RET: variants seen among roughly 807,000 people sequenced by gnomAD.
RET encodes ret proto-oncogene, also known as proto-oncogene tyrosine-protein kinase receptor Ret.
A neutral mutation model predicts 118.3 loss-of-function variants in RET; 19 were observed. The observed-to-expected ratio is 0.16, with a 90% CI of 0.11 to 0.24. The LOEUF is 0.24. Ranked by LOEUF, RET falls within the 10% of genes least tolerant of loss-of-function variation. RET has a pLI of 1.00. For missense variants in RET, 1,219 were observed against 1,502.1 expected (o/e 0.81, Z 3.12); for synonymous variants, 597 against 644.1 (o/e 0.93, Z 1.11).
chr10:43,107,502 G>A (rs1357582130), intron 5 of RET, among the ~76,000 whole-genome samples: 2 of 151,014 alleles, frequency 1.3e-5, no homozygotes, highest in Non-Finnish European at 2.9e-5. Context: ...CTGTCTGGAG[G>A]GCTCTAGTGT....
Position 43,113,747 on chromosome 10 carries a change from C to T in RET, c.1879+72C>T, listed in dbSNP as rs1837999350. 5.0e-6 allele frequency: 8 copies of T among 1,588,174 alleles called. No individual in the cohort carries two copies. The South Asian group carries it at 9.0e-5, about 18-fold the overall frequency. The stretch of plus-strand genomic sequence containing the variant: ...AGGTCTCAACAGCACATCTGAGGTC[C>T]CAACAAGGGAGGAAATTGCTGGGAG... On this transcript the variant is annotated intron_variant, in intron 10 of 19. Coordinates refer to ENST00000355710, the MANE Select transcript of RET (RefSeq NM_020975.6).
rs863224778 is a variant in RET, at chr10:43,106,485, A to G, written c.977A>G (p.Gln326Arg). ...CTGCTCCCCGGGGACACCTGGGCCC[A>G]GCAGACCTTCCGGGTGGAACACTGG... is the stretch of plus-strand genomic sequence containing the variant. ...STLLPGDTWA[Q>R]QTFRVEHWPN... The change falls in exon 5 of 20, where the codon CAG becomes CGG. Residue 326 changes from glutamine to arginine, a missense_variant. Gln to Arg is a conservative substitution (Grantham distance 43, BLOSUM62 1). This residue lies in a region of RET where 850 missense variants were observed against 969.6 expected (regional missense o/e 0.88). Coordinates refer to ENST00000355710, the MANE Select transcript of RET (RefSeq NM_020975.6). The surrounding 1 kb of genome is among the most constrained non-coding windows in gnomAD (Gnocchi z 5.1). The G allele has an allele frequency of 1.7e-5, 28 of 1,613,614 alleles. No homozygotes were observed. The highest frequency in any genetic ancestry group is 2.2e-5 in the Non-Finnish European group (26 of 1,179,848).
intron 6 of RET, 44 bp from the exon 7 acceptor site, chr10:43,111,162 GC>G (rs2132764334): frequency 6.2e-7 from 1 of 1,610,280 alleles, no homozygotes; most frequent in Non-Finnish European, 8.5e-7. Context: ...GCCATTACAG[GC>G]CGGTCCAGCT....
rs1405981193 is a variant in RET at position 43,106,973 on chromosome 10, A to G, written c.1063+402A>G. Among the ~76,000 whole-genome samples, 3 of 152,202 alleles carry G rather than the reference A, an allele frequency of 2.0e-5. No homozygotes were observed. Among genetic ancestry groups the G allele is most frequent in the Admixed American group, 6.5e-5 (1 of 15,288 alleles). On this transcript the variant is annotated intron_variant, in intron 5 of 19. Coordinates refer to ENST00000355710, the MANE Select transcript of RET (RefSeq NM_020975.6). The surrounding 1 kb of genome is among the most constrained non-coding windows in gnomAD (Gnocchi z 5.1). Reference sequence around the variant, plus strand: ...GCTCCAGCCTCAGCAGCTCTCTGCTAAACAGGCTGGTGTACAGAAGCAGCC... The same window carrying G: ...GCTCCAGCCTCAGCAGCTCTCTGCTGAACAGGCTGGTGTACAGAAGCAGCC...
rs963402218 is a variant in RET, at chr10:43,086,739, A to G, written c.73+9408A>G. 2.6e-5 allele frequency among the ~76,000 whole-genome samples: 4 copies of G among 152,240 alleles called. No homozygotes were observed. Among genetic ancestry groups the G allele is most frequent in the Admixed American group, 1.3e-4 (2 of 15,292 alleles). On this transcript the variant is annotated intron_variant, in intron 1 of 19. Coordinates refer to ENST00000355710, the MANE Select transcript of RET (RefSeq NM_020975.6). ...GAAGCAACTGCCAGTGAGGCTGGTG[A>G]TTAACTCTGCAGCAGCTGGGAAATT...
chr10:43,118,745 A>G (rs919150966), intron 13 of RET, among the ~76,000 whole-genome samples: 1 of 152,220 alleles, frequency 6.6e-6, no homozygotes, highest in Non-Finnish European at 1.5e-5. Context: ...CTGGTGTGAC[A>G]CTGCCATGTG....
rs587778658 is a variant in RET, at chr10:43,123,744, C to T, written c.2875C>T (p.Arg959Trp). 9.3e-6 allele frequency: 15 copies of T among 1,614,032 alleles called. No homozygotes were observed. The highest frequency in any genetic ancestry group is 3.3e-5 in the Admixed American group (2 of 60,012). The change falls in exon 17 of 20, where the codon CGG becomes TGG. Residue 959 changes from arginine (R) to tryptophan (W), a missense_variant. By Grantham distance (101) the Arg-to-Trp change is moderately radical. Around this residue, in one of 5 missense-constraint regions of RET, gnomAD observed 73 missense variants for 156.5 expected, o/e 0.47. Transcript: ENST00000355710. ...GNPYPGIPPE[R>W]LFNLLKTGHR... ...CCCCTATCCTGGGATTCCTCCTGAGCGGCTCTTCAACCTTCTGAAGACCGG... is the reference window on the plus strand; with the variant it reads ...CCCCTATCCTGGGATTCCTCCTGAGTGGCTCTTCAACCTTCTGAAGACCGG...
At chr10:43,090,788 T>G (rs1331812338) in intron 1 of RET, among the ~76,000 whole-genome samples, 1 of 150,796 alleles carries the variant, frequency 6.6e-6, no homozygotes, top group Non-Finnish European at 1.5e-5. Flanking sequence ...GTTCCTCCTC[T>G]GCAGGCTCCT....
chr10:43,121,086 G>C (rs993343422), intron 15 of RET, among the ~76,000 whole-genome samples: 2 of 152,210 alleles, frequency 1.3e-5, no homozygotes, highest in South Asian at 2.1e-4. Context: ...CAGAACTGCT[G>C]TGGGGGGAAG....
intron 12 of RET, among the ~76,000 whole-genome samples, chr10:43,117,328 T>C (rs1424953869): frequency 6.6e-6 from 1 of 152,196 alleles, no homozygotes; most frequent in African/African-American, 2.4e-5. Context: ...CAGCACAGGG[T>C]GCTTCCAGAT....
intron 1 of RET, among the ~76,000 whole-genome samples, chr10:43,081,095 G>T (rs1037656165): frequency 6.6e-6 from 1 of 152,088 alleles, no homozygotes; most frequent in Non-Finnish European, 1.5e-5. Flanking sequence ...GCAAAGCAGG[G>T]TGCAGCCCCC....
In RET at chr10:43,106,166, C is replaced by T. The variant is rs942645103; in HGVS notation, c.868-210C>T. 6.6e-6 allele frequency among the ~76,000 whole-genome samples: 1 copy of T among 152,230 alleles called. No individual in the cohort carries two copies. Among genetic ancestry groups the T allele is most frequent in the African/African-American group, 2.4e-5 (1 of 41,460 alleles). ...TTGTACCTGTTACACAGGCGAGGCT[C>T]AGTGGCTCAGGGAAGGTGACGGCCA... On this transcript the variant is annotated intron_variant, in intron 4 of 19. Transcript: ENST00000355710. This position sits in a 1 kb window ranked among gnomAD's most constrained non-coding sequence, Gnocchi z 5.1.
intron 1 of RET, among the ~76,000 whole-genome samples, chr10:43,093,155 C>A (rs1283153695): frequency 6.6e-6 from 1 of 152,082 alleles, no homozygotes; most frequent in Admixed American, 6.5e-5. Flanking sequence ...GCAGAGGGGG[C>A]CCTGGGAGCC....
chr10:43,119,544 C>G lies in RET; in HGVS notation c.2406C>G (p.Leu802=). The change falls in exon 14 of 20, where the codon CTC becomes CTG. Residue 802 remains leucine (L), a synonymous_variant. Transcript: ENST00000355710. ...CTCCGCCCCCAGGCCCGCTCCTCCT[C>G]ATCGTGGAGTACGCCAAATACGGCT... The part of the protein sequence containing the change: ...GACSQDGPLL[L]IVEYAKYGSL... 1 of 1,604,138 alleles carries G rather than the reference C, an allele frequency of 6.2e-7. No individual in the cohort carries two copies. The highest frequency in any genetic ancestry group is 8.5e-7 in the Non-Finnish European group (1 of 1,177,366).
intron 1 of RET, among the ~76,000 whole-genome samples, chr10:43,081,370 G>C (rs935451900): frequency 6.6e-6 from 1 of 152,226 alleles, no homozygotes; most frequent in Non-Finnish European, 1.5e-5. Context: ...TCCTGAGGGA[G>C]CCTCGGCTCC....
intron 1 of RET, 109 bp downstream of exon 1, chr10:43,077,440 T>C: frequency 7.6e-7 from 1 of 1,320,428 alleles, no homozygotes; most frequent in Non-Finnish European, 9.7e-7. Context: ...GGCAGCGGGC[T>C]GTGCGGTCGC....
intron 18 of RET, 133 bp from the exon 19 acceptor site, chr10:43,126,442 T>C (rs1838329841): frequency 4.6e-6 from 4 of 866,804 alleles, no homozygotes; most frequent in Non-Finnish European, 7.7e-6. Context: ...CCCTGGTCTC[T>C]TGGAGAGGTC....
chr10:43,102,355 C>T lies in RET; in HGVS notation c.351C>T (p.Pro117=), dbSNP rs267602487. The T allele has an allele frequency of 1.9e-6, 3 of 1,614,190 alleles. No homozygotes were observed. Among genetic ancestry groups the T allele is most frequent in the Admixed American group, 3.3e-5 (2 of 60,038 alleles). The change falls in exon 3 of 20, where the codon CCC becomes CCT. Residue 117 remains proline (P), a synonymous_variant. Transcript: ENST00000355710. ...EKLSVRNRGF[P]LLTVYLKVFL... Reference sequence around the variant, plus strand: ...TTCTCTCTGCAGACCGCGGCTTTCCCCTGCTCACCGTCTACCTCAAGGTCT... The same window carrying T: ...TTCTCTCTGCAGACCGCGGCTTTCCTCTGCTCACCGTCTACCTCAAGGTCT...
chr10:43,102,802 C>G (rs1837671900), intron 3 of RET, 173 bp downstream of exon 3: 1 of 764,002 alleles, frequency 1.3e-6, no homozygotes, highest in African/African-American at 1.7e-5. Flanking sequence ...GTTCTAGGAG[C>G]TAAGGATATA....
Sources: allele counts gnomAD v4.1 joint callset (sites outside exome capture counted in the v4.1 genomes callset), GRCh38; gene constraint gnomAD v4.1.1; regional missense constraint gnomAD v4.1.1; non-coding constraint Gnocchi (gnomAD v3.1); transcripts MANE v1.5; gene names NCBI Gene and HGNC (gene_info 2026-07-23, HGNC 2026-07-21).